The following CADM2 variants were observed in gnomAD, a reference collection of about 807,000 sequenced individuals.
CADM2 encodes the protein immunoglobulin superfamily member 4D.
A neutral mutation model predicts 49.8 loss-of-function variants in CADM2; 12 were observed. That is an observed-to-expected ratio of 0.24 (90% CI 0.15 to 0.39). The LOEUF (loss-of-function observed/expected upper bound fraction) is 0.39, where lower values mean the gene tolerates loss of function less well. Among genes scored for constraint, CADM2 ranks in the 10% least tolerant of loss-of-function variants. The pLI is 1.00. For missense variants in CADM2, 378 were observed against 492.3 expected (o/e 0.77, Z 2.20); for synonymous variants, 214 against 175.4 (o/e 1.22, Z -1.74).
chr3:85,933,542 G>A (rs753657033), intron 6 of CADM2, among the ~76,000 whole-genome samples: 3 of 152,046 alleles, frequency 2.0e-5, no homozygotes, highest in East Asian at 1.9e-4. Context: ...AGGGTTCTCC[G>A]GAGACATGGA....
chr3:85,645,785 T>C (rs896290412), intron 1 of CADM2, among the ~76,000 whole-genome samples: 1 of 136,368 alleles, frequency 7.3e-6, no homozygotes, highest in Non-Finnish European at 1.6e-5. Context: ...CCCATTGGCC[T>C]AAAAATATAT....
chr3:85,657,743 G>GAT (rs1229286084), intron 1 of CADM2, among the ~76,000 whole-genome samples: 33 of 68,410 alleles, frequency 4.8e-4, no homozygotes, highest in East Asian at 4.1e-3. Context: ...TATATATACA[G>GAT]ATATATATAT....
intron 1 of CADM2, among the ~76,000 whole-genome samples, chr3:85,091,815 T>A (rs2037608052): frequency 6.6e-6 from 1 of 152,132 alleles, no homozygotes; most frequent in Non-Finnish European, 1.5e-5. Flanking sequence ...ATTTCTAAAA[T>A]TTTTAGCTGA....
intron 1 of CADM2, among the ~76,000 whole-genome samples, chr3:85,579,132 A>C (rs891563885): frequency 6.6e-6 from 1 of 152,224 alleles, no homozygotes; most frequent in Non-Finnish European, 1.5e-5. Flanking sequence ...TAAGGAAACT[A>C]ATTAGCAAGA....
intron 1 of CADM2, among the ~76,000 whole-genome samples, chr3:85,523,291 A>G (rs1157490354): frequency 1.3e-5 from 2 of 152,166 alleles, no homozygotes; most frequent in African/African-American, 4.8e-5. Context: ...GCTGCATCCC[A>G]GAAGTTTGAG....
chr3:85,344,043 A>G (rs2107205486), intron 1 of CADM2, among the ~76,000 whole-genome samples: 1 of 152,292 alleles, frequency 6.6e-6, no homozygotes, highest in South Asian at 2.1e-4. Flanking sequence ...ATAACAGTAA[A>G]AGAAAATGTA....
intron 1 of CADM2, among the ~76,000 whole-genome samples, chr3:85,414,271 C>A (rs1559827877): frequency 6.6e-6 from 1 of 152,102 alleles, no homozygotes; most frequent in Admixed American, 6.5e-5. Context: ...ACAAAATCGT[C>A]TTTAACAAAA....
chr3:85,512,491 C>T (rs2040665374), intron 1 of CADM2, among the ~76,000 whole-genome samples: 1 of 151,940 alleles, frequency 6.6e-6, no homozygotes, highest in Admixed American at 6.6e-5. Flanking sequence ...TTTGTTATGA[C>T]ATCAATTCAG....
At position 85,568,518 on chromosome 3, in the gene CADM2, C is replaced by CTTTCTTT. The variant is rs2062380018; in HGVS notation, c.62-158004_62-158003insTTTCTTT. ...TTCTTTCTTTCTTTCTTTCTTTCCT[C>CTTTCTTT]CCTCCCTCCCTCTCTCTTTTCTTTC... On this transcript the variant is annotated intron_variant, in intron 1 of 9. Transcript: ENST00000383699. Among the ~76,000 whole-genome samples the CTTTCTTT allele has an allele frequency of 1.9e-4, 15 of 80,156 alleles. 1 individual carries two copies. Among genetic ancestry groups the CTTTCTTT allele is most frequent in the South Asian group, 9.5e-4 (2 of 2,104 alleles). 52.6% of individuals were successfully genotyped at this position (80,156 alleles called of 152,430 possible).
chr3:85,318,471 A>G (rs2044522487), intron 1 of CADM2, among the ~76,000 whole-genome samples: 1 of 152,174 alleles, frequency 6.6e-6, no homozygotes, highest in Non-Finnish European at 1.5e-5. Flanking sequence ...TTCTGAACCT[A>G]GAGCCATCTT....
At chr3:85,159,597 G>A (rs952389775) in intron 1 of CADM2, among the ~76,000 whole-genome samples, 2 of 152,172 alleles carry the variant, frequency 1.3e-5, no homozygotes, top group African/African-American at 4.8e-5. Flanking sequence ...GTTAAGGAAA[G>A]CCATAATCTT....
chr3:85,780,748 T>C (rs1417537921), intron 2 of CADM2, among the ~76,000 whole-genome samples: 1 of 152,194 alleles, frequency 6.6e-6, no homozygotes, highest in Non-Finnish European at 1.5e-5. Context: ...TTTAGATATG[T>C]GATTCCCTCT....
intron 6 of CADM2, among the ~76,000 whole-genome samples, chr3:85,920,392 C>G (rs1441901075): frequency 6.6e-6 from 1 of 151,564 alleles, no homozygotes; most frequent in Non-Finnish European, 1.5e-5. Context: ...CATATTTATG[C>G]CTGGGAATGC....
At chr3:85,499,026 T>C (rs893082123) in intron 1 of CADM2, among the ~76,000 whole-genome samples, 7 of 152,294 alleles carry the variant, frequency 4.6e-5, no homozygotes, top group African/African-American at 1.7e-4. Flanking sequence ...CAGGATTTTA[T>C]TGATTTCAAA....
At chr3:85,510,437 T>C (rs2106833761) in intron 1 of CADM2, among the ~76,000 whole-genome samples, 1 of 152,188 alleles carries the variant, frequency 6.6e-6, no homozygotes, top group Non-Finnish European at 1.5e-5. Flanking sequence ...ACATTTTTAT[T>C]GGTAAATAGC....
chr3:85,416,616 C>G (rs1211491978), intron 1 of CADM2, among the ~76,000 whole-genome samples: 10 of 152,074 alleles, frequency 6.6e-5, no homozygotes, highest in African/African-American at 2.2e-4. Context: ...ACAAAGAAGC[C>G]AGAGTGCTGT....
intron 1 of CADM2, among the ~76,000 whole-genome samples, chr3:85,012,325 T>A (rs76388249): frequency 0.026 from 3,909 of 151,686 alleles, 72 homozygotes; most frequent in African/African-American, 0.046. Flanking sequence ...ATGCTTTTTT[T>A]TTTTTTCCTT....
intron 1 of CADM2, among the ~76,000 whole-genome samples, chr3:85,550,787 C>T (rs571401822): frequency 1.3e-5 from 2 of 152,004 alleles, no homozygotes; most frequent in Non-Finnish European, 2.9e-5. Flanking sequence ...CTTCCTCTCC[C>T]GTCTCACCTT....
chr3:85,713,332 A>G (rs763099243), intron 1 of CADM2, among the ~76,000 whole-genome samples: 5 of 152,042 alleles, frequency 3.3e-5, no homozygotes, highest in Admixed American at 1.3e-4. Flanking sequence ...ATTTTTTAGT[A>G]CAGACGGGGT....
Sources: gnomAD v4.1 joint callset for allele counts (sites outside exome capture counted in the v4.1 genomes callset) on GRCh38, gnomAD v4.1.1 for gene constraint, MANE v1.5 for transcripts, NCBI Gene and HGNC (gene_info 2026-07-23, HGNC 2026-07-21) for gene names.